Variants in EDIL3 observed in about 807,000 individuals in gnomAD.
The protein encoded by EDIL3 is EGF-like repeat and discoidin I-like domain-containing protein 3.
Under a neutral mutation model 67.4 loss-of-function variants are expected in EDIL3, and 37 were observed. That is an observed-to-expected ratio of 0.55 (90% CI 0.42 to 0.72). The LOEUF (loss-of-function observed/expected upper bound fraction) is 0.72, where lower values mean the gene tolerates loss of function less well. Among genes scored for constraint, EDIL3 ranks in the 30% least tolerant of loss-of-function variants. The probability of loss-of-function intolerance (pLI) is 0.00; values close to 1 mark genes in which losing one functional copy is unlikely to be tolerated. For synonymous variants in EDIL3, 195 were observed against 196.3 expected (o/e 0.99, Z 0.05); for missense variants, 527 against 586.3 (o/e 0.90, Z 1.04).
At chr5:84,165,419 C>T (rs1022359116) in intron 4 of EDIL3, among the ~76,000 whole-genome samples, 5 of 152,244 alleles carry the variant, frequency 3.3e-5, no homozygotes, top group African/African-American at 9.6e-5. Context: ...CTTGTGACTA[C>T]CGTTTCTCAA....
At chr5:84,202,075 G>A (rs1239679335) in intron 3 of EDIL3, among the ~76,000 whole-genome samples, 1 of 152,142 alleles carries the variant, frequency 6.6e-6, no homozygotes, top group Admixed American at 6.5e-5. Flanking sequence ...ACACATGGTA[G>A]GACTGCACTT....
chr5:84,119,582 G>A (rs924911117), intron 5 of EDIL3, among the ~76,000 whole-genome samples: 7 of 152,014 alleles, frequency 4.6e-5, no homozygotes, highest in African/African-American at 7.2e-5. Flanking sequence ...AAATAGGTCT[G>A]GGTCTGTCAA....
chr5:84,061,935 C>T (rs772113680), intron 8 of EDIL3, among the ~76,000 whole-genome samples: 3 of 152,070 alleles, frequency 2.0e-5, no homozygotes, highest in South Asian at 2.1e-4. Flanking sequence ...TGATCAATAA[C>T]TCTTAGCTAT....
Position 83,976,902 on chromosome 5 carries a change from C to G in EDIL3, c.1138-13542G>C, listed in dbSNP as rs568565115. Among the ~76,000 whole-genome samples the G allele has an allele frequency of 2.6e-5, 4 of 151,890 alleles. No individual in the cohort carries two copies. The East Asian group carries it at 5.8e-4, about 22-fold the overall frequency. Reference sequence around the variant, plus strand: ...TCAATATTATATTACTAAGGTTCAACTAAATGTTTGTTTATAAAGTTACTT... The same window carrying G: ...TCAATATTATATTACTAAGGTTCAAGTAAATGTTTGTTTATAAAGTTACTT... On this transcript the variant is annotated intron_variant, in intron 9 of 10. Coordinates refer to ENST00000296591, the MANE Select transcript of EDIL3 (RefSeq NM_005711.5).
At chr5:84,358,580 T>C (rs1330770768) in intron 1 of EDIL3, among the ~76,000 whole-genome samples, 2 of 150,588 alleles carry the variant, frequency 1.3e-5, no homozygotes, top group African/African-American at 4.9e-5. Flanking sequence ...TAAGACAGTA[T>C]TCATTTTTAT....
intron 5 of EDIL3, among the ~76,000 whole-genome samples, chr5:84,136,387 A>G (rs902784716): frequency 6.6e-6 from 1 of 152,206 alleles, no homozygotes; most frequent in Non-Finnish European, 1.5e-5. Context: ...TTATAAGGCT[A>G]TAGCACTAGT....
chr5:84,286,285 A>G (rs77871546), intron 1 of EDIL3, among the ~76,000 whole-genome samples: 1 of 152,300 alleles, frequency 6.6e-6, no homozygotes, highest in East Asian at 1.9e-4. Context: ...CTATATATTT[A>G]GAGGGAAGAG....
intron 9 of EDIL3, among the ~76,000 whole-genome samples, chr5:83,995,161 C>T (rs1172551192): frequency 1.3e-5 from 2 of 151,102 alleles, no homozygotes; most frequent in Non-Finnish European, 3.0e-5. Context: ...CACACATACA[C>T]ACACACACAC....
At chr5:84,342,823 A>G (rs1747151876) in intron 1 of EDIL3, among the ~76,000 whole-genome samples, 1 of 152,010 alleles carries the variant, frequency 6.6e-6, no homozygotes, top group South Asian at 2.1e-4. Flanking sequence ...TCTTTATTTG[A>G]TGGATTATCC....
intron 2 of EDIL3, among the ~76,000 whole-genome samples, chr5:84,252,916 G>A (rs1745052544): frequency 6.6e-6 from 1 of 151,934 alleles, no homozygotes; most frequent in South Asian, 2.1e-4. Flanking sequence ...TGAATTAAAT[G>A]AACAAAGTAC....
chr5:84,266,245 C>A (rs1239482505), intron 1 of EDIL3, among the ~76,000 whole-genome samples: 1 of 152,170 alleles, frequency 6.6e-6, no homozygotes, highest in African/African-American at 2.4e-5. Flanking sequence ...CACAACATGA[C>A]CACTTAGTGG....
At position 84,184,740 on chromosome 5, in the gene EDIL3, C is replaced by A. The variant is rs749572289; in HGVS notation, c.227-4219G>T. Among the ~76,000 whole-genome samples, 6 of 152,314 alleles carry A rather than the reference C, an allele frequency of 3.9e-5. No homozygotes were observed. In the South Asian group the frequency reaches 6.2e-4, roughly 16 times the overall value. On this transcript the variant is annotated intron_variant, in intron 3 of 10. Transcript: ENST00000296591. ...TCTTAAGTCCCAAGCATTCTGGACA[C>A]TTCCTGAGGGCACAGGTGAAGCCTG...
rs995389778 is a variant in EDIL3 at position 83,942,728 on chromosome 5, A to T, written c.*691T>A. ...TTCTACATATATGAGTAAACATGAC[A>T]CTTCTTTTAGTCAACTAATAGGAAA... On this transcript the variant is annotated 3_prime_UTR_variant, in exon 11 of 11. Transcript: ENST00000296591. 5.3e-5 allele frequency: 8 copies of T among 152,074 alleles called. No individual in the cohort carries two copies. Among genetic ancestry groups the T allele is most frequent in the Non-Finnish European group, 1.2e-4 (8 of 67,992 alleles). 9.4% of individuals were successfully genotyped at this position (152,074 alleles called of 1,614,324 possible).
At chr5:84,154,268 A>G (rs77725891) in intron 4 of EDIL3, among the ~76,000 whole-genome samples, 2,559 of 152,270 alleles carry the variant, frequency 0.017, 75 homozygotes, top group African/African-American at 0.058. Flanking sequence ...ATAAAACAAG[A>G]GTAAGAATAT....
chr5:84,094,780 T>C (rs963670382), intron 6 of EDIL3, among the ~76,000 whole-genome samples: 1 of 152,254 alleles, frequency 6.6e-6, no homozygotes, highest in African/African-American at 2.4e-5. Context: ...CGATATATTC[T>C]ACATTAACTA....
intron 1 of EDIL3, among the ~76,000 whole-genome samples, chr5:84,278,285 A>C (rs1745627873): frequency 6.6e-6 from 1 of 152,192 alleles, no homozygotes; most frequent in African/African-American, 2.4e-5. Context: ...TATTTCATTC[A>C]TTCCTCCAAA....
At chr5:84,038,516 C>T (rs1746064344) in intron 9 of EDIL3, among the ~76,000 whole-genome samples, 1 of 152,212 alleles carries the variant, frequency 6.6e-6, no homozygotes, top group African/African-American at 2.4e-5. Flanking sequence ...CTGTGGCCAG[C>T]AGATGCCTGA....
intron 1 of EDIL3, among the ~76,000 whole-genome samples, chr5:84,271,268 GC>G (rs1745467685): frequency 6.6e-6 from 1 of 151,900 alleles, no homozygotes; most frequent in Non-Finnish European, 1.5e-5. Flanking sequence ...CAAAAAATTA[GC>G]CGGGCTTGGT....
chr5:84,061,260 T>C lies in EDIL3; in HGVS notation c.953-776A>G, dbSNP rs75388249. ...TTGTAAGATTCTCAAATCTACCACA[T>C]GTATTTTTGAGTTTAATACGGTAAA... On this transcript the variant is annotated intron_variant, in intron 8 of 10. Coordinates refer to ENST00000296591, the MANE Select transcript of EDIL3 (RefSeq NM_005711.5). Among the ~76,000 whole-genome samples the C allele has an allele frequency of 5.1e-3, 776 of 152,306 alleles. 4 individuals are homozygous for C. The highest frequency in any genetic ancestry group is 0.018 in the African/African-American group (747 of 41,584).
Sources: allele counts gnomAD v4.1 joint callset (sites outside exome capture counted in the v4.1 genomes callset), GRCh38; gene constraint gnomAD v4.1.1; transcripts MANE v1.5; gene names NCBI Gene and HGNC (gene_info 2026-07-23, HGNC 2026-07-21).